NLN: variants seen among roughly 807,000 people sequenced by gnomAD.
The protein encoded by NLN is neurolysin.
A neutral mutation model predicts 79.9 loss-of-function variants in NLN; 64 were observed. The ratio of observed to expected loss-of-function variants is 0.80; its 90% CI spans 0.65 to 0.99. The LOEUF (loss-of-function observed/expected upper bound fraction) is 0.99, where lower values mean the gene tolerates loss of function less well. NLN is among the 50% of genes least tolerant of loss of function. The probability of loss-of-function intolerance (pLI) is 0.00; values close to 1 mark genes in which losing one functional copy is unlikely to be tolerated. For synonymous variants in NLN, 267 were observed against 296.6 expected (o/e 0.90, Z 1.02); for missense variants, 835 against 858.7 (o/e 0.97, Z 0.34).
chr5:65,775,661 T>A (rs1759664895), intron 3 of NLN, among the ~76,000 whole-genome samples: 1 of 152,166 alleles, frequency 6.6e-6, no homozygotes, highest in Non-Finnish European at 1.5e-5. Context: ...GTTAATCACA[T>A]CCGCAGGAAC....
chr5:65,772,098 G>A (rs953146288), intron 3 of NLN, among the ~76,000 whole-genome samples: 3 of 151,820 alleles, frequency 2.0e-5, no homozygotes, highest in African/African-American at 7.3e-5. Context: ...TTTTTTTGGG[G>A]TCTTAAAAGC....
chr5:65,754,608 T>G (rs565514775), intron 1 of NLN, among the ~76,000 whole-genome samples: 8 of 152,230 alleles, frequency 5.3e-5, no homozygotes, highest in African/African-American at 1.9e-4. Flanking sequence ...TCCCTGAATC[T>G]TCCCTTCTCT....
At chr5:65,750,285 A>C (rs1759076694) in intron 1 of NLN, among the ~76,000 whole-genome samples, 1 of 152,234 alleles carries the variant, frequency 6.6e-6, no homozygotes, top group Non-Finnish European at 1.5e-5. Flanking sequence ...TACAACTGAG[A>C]AACTGAATTT....
chr5:65,820,603 T>G lies in NLN; in HGVS notation c.1981-2178T>G, dbSNP rs181589863. On this transcript the variant is annotated intron_variant, in intron 12 of 12. Coordinates refer to ENST00000380985, the MANE Select transcript of NLN (RefSeq NM_020726.5). ...GTTGGGCTCAAGAGCCATGATATGC[T>G]CCTTCTTAGCTTAATTAAAATCCAT... 4.3e-3 allele frequency among the ~76,000 whole-genome samples: 649 copies of G among 152,300 alleles called. 2 individuals are homozygous for G. The highest frequency in any genetic ancestry group is 6.4e-3 in the Non-Finnish European group (433 of 68,034).
At chr5:65,817,248 G>T (rs1446495214) in intron 12 of NLN, among the ~76,000 whole-genome samples, 4 of 152,078 alleles carry the variant, frequency 2.6e-5, no homozygotes, top group African/African-American at 7.2e-5. Flanking sequence ...ACATCACATC[G>T]TAACTGTTTA....
At chr5:65,795,720 G>A (rs1006643749) in intron 9 of NLN, among the ~76,000 whole-genome samples, 2 of 152,086 alleles carry the variant, frequency 1.3e-5, no homozygotes, top group Admixed American at 1.3e-4. Flanking sequence ...TATTATCATA[G>A]CACTAGGATT....
At chr5:65,785,396 G>A (rs181851040) in intron 6 of NLN, among the ~76,000 whole-genome samples, 1 of 152,080 alleles carries the variant, frequency 6.6e-6, no homozygotes, top group East Asian at 1.9e-4. Context: ...TACGTTATGT[G>A]TATTTTACCA....
intron 1 of NLN, chr5:65,733,784 A>G (rs960056897): frequency 1.1e-5 from 7 of 640,414 alleles, no homozygotes; most frequent in Non-Finnish European, 1.8e-5. Flanking sequence ...CAGTGGCACA[A>G]TCTCAGCTCA....
In NLN at chr5:65,723,187, T is replaced by A. The variant is rs527586893; in HGVS notation, c.41+773T>A. On this transcript the variant is annotated intron_variant, in intron 1 of 12. Transcript: ENST00000380985. Reference sequence around the variant, plus strand: ...CAGAACTGTAAATCCAAATGAAGATTCAACAGAATAAAGAAAATGTGTGCT... The same window carrying A: ...CAGAACTGTAAATCCAAATGAAGATACAACAGAATAAAGAAAATGTGTGCT... 5.3e-5 allele frequency among the ~76,000 whole-genome samples: 8 copies of A among 152,308 alleles called. No homozygotes were observed. The East Asian group carries it at 1.5e-3, about 29-fold the overall frequency.
chr5:65,800,168 G>T (rs1760252348), intron 9 of NLN, among the ~76,000 whole-genome samples: 2 of 152,136 alleles, frequency 1.3e-5, no homozygotes, highest in Non-Finnish European at 2.9e-5. Context: ...GCCATTAAAA[G>T]CAACTGTTCT....
At position 65,809,624 on chromosome 5, in the gene NLN, CA is replaced by C. The variant is rs745615189; in HGVS notation, c.1641del (p.Lys547AsnfsTer28). On this transcript the variant is annotated frameshift_variant, in exon 10 of 13. Coordinates refer to ENST00000380985, the MANE Select transcript of NLN (RefSeq NM_020726.5). LOFTEE classifies it high-confidence loss of function. ...VWDVDSLRRL[S>X]KHYKDGSPIA... ...GACGTCGATTCCCTCCGAAGATTGT[CA>C]AAACATTATAAAGATGGAAGCCCTA... 8.1e-6 allele frequency: 13 copies of C among 1,613,768 alleles called. No homozygotes were observed. In the African/African-American group the frequency reaches 1.6e-4, roughly 20 times the overall value.
intron 3 of NLN, among the ~76,000 whole-genome samples, chr5:65,776,080 C>G (rs1215690474): frequency 6.6e-6 from 1 of 152,132 alleles, no homozygotes; most frequent in Non-Finnish European, 1.5e-5. Flanking sequence ...TGGCAAAACC[C>G]CGTCTCTACT....
chr5:65,808,051 C>T (rs1229604132), intron 9 of NLN, among the ~76,000 whole-genome samples: 1 of 152,132 alleles, frequency 6.6e-6, no homozygotes, highest in African/African-American at 2.4e-5. Context: ...TCTGGGGACC[C>T]TTACCTCTTT....
In NLN at chr5:65,733,809, T is replaced by C. The variant is rs561206772; in HGVS notation, c.41+11395T>C. On this transcript the variant is annotated intron_variant, in intron 1 of 12. Transcript: ENST00000380985. Reference sequence around the variant, plus strand: ...ATCTCAGCTCACTGCAACTTCCACCTCCCAGGTTCAAGTGATTCTCCTGCC... The same window carrying C: ...ATCTCAGCTCACTGCAACTTCCACCCCCCAGGTTCAAGTGATTCTCCTGCC... Among the ~76,000 whole-genome samples, 376 of 137,658 alleles carry C rather than the reference T, an allele frequency of 2.7e-3. 62 individuals are homozygous for C. The highest frequency in any genetic ancestry group is 9.9e-3 in the African/African-American group (359 of 36,200). The allele number at this position is 137,658 out of a possible 152,430, so 90.3% of individuals were successfully genotyped here.
intron 11 of NLN, among the ~76,000 whole-genome samples, chr5:65,810,562 T>C (rs1760523104): frequency 6.6e-6 from 1 of 152,236 alleles, no homozygotes; most frequent in African/African-American, 2.4e-5. Flanking sequence ...TTTTGTTTAT[T>C]TTTTCCATCC....
intron 3 of NLN, among the ~76,000 whole-genome samples, chr5:65,771,963 CAA>C (rs3081187): frequency 2.9e-5 from 4 of 137,772 alleles, no homozygotes; most frequent in Non-Finnish European, 3.1e-5. Context: ...AAAACAATGA[CAA>C]AAAAAAAAAA....
chr5:65,747,400 C>T (rs991791667), intron 1 of NLN, among the ~76,000 whole-genome samples: 3 of 152,192 alleles, frequency 2.0e-5, no homozygotes, highest in African/African-American at 4.8e-5. Flanking sequence ...TAGCTCTGTT[C>T]AGAGCCTGCT....
At position 65,788,273 on chromosome 5, in the gene NLN, A is replaced by G; in HGVS notation, c.1114A>G (p.Lys372Glu). 1 of 1,614,002 alleles carries G rather than the reference A, an allele frequency of 6.2e-7. No homozygotes were observed. The change falls in exon 8 of 13, where the codon AAG becomes GAG. Residue 372 changes from lysine to glutamate, a missense_variant. Lys to Glu is a moderately conservative substitution (Grantham distance 56, BLOSUM62 1). Transcript: ENST00000380985. The stretch of plus-strand genomic sequence containing the variant: ...CTACATGACTCAGACAGAGGAACTC[A>G]AGTATTCCATAGACCAAGAGTTCCT... ...YYYMTQTEEL[K>E]YSIDQEFLKE...
chr5:65,784,573 T>G (rs1759873991), intron 6 of NLN, among the ~76,000 whole-genome samples: 1 of 152,168 alleles, frequency 6.6e-6, no homozygotes, highest in South Asian at 2.1e-4. Context: ...AAGGCCCAAG[T>G]TCTTTAGCTG....
Sources: allele counts gnomAD v4.1 joint callset (sites outside exome capture counted in the v4.1 genomes callset), GRCh38; gene constraint gnomAD v4.1.1; transcripts MANE v1.5; gene names NCBI Gene and HGNC (gene_info 2026-07-23, HGNC 2026-07-21).